The following SLC27A2 variants were observed in gnomAD, a reference collection of about 807,000 sequenced individuals.
SLC27A2 encodes solute carrier family 27 member 2.
SLC27A2 carries 54 observed loss-of-function variants against 60.0 expected under a neutral mutation model. The observed-to-expected ratio is 0.90, with a 90% confidence interval of 0.72 to 1.13. The LOEUF (loss-of-function observed/expected upper bound fraction) is 1.13, where lower values mean the gene tolerates loss of function less well. Among genes scored for constraint, SLC27A2 ranks in the 50% most tolerant of loss-of-function variants. SLC27A2 has a pLI of 0.00. For missense variants in SLC27A2, 739 were observed against 777.6 expected, an observed-to-expected ratio of 0.95 and a Z score of 0.59; for synonymous variants, 297 against 297.6, an observed-to-expected ratio of 1.00 and a Z score of 0.02.
rs779705317 is a variant in SLC27A2, at chr15:50,197,725, G to T, written c.688+16G>T. Reference sequence around the variant, plus strand: ...GGAACCACAGGTAAAAATAAAGGGGGGATTCTCCAAAAAAATTAATCTGAA... The same window carrying T: ...GGAACCACAGGTAAAAATAAAGGGGTGATTCTCCAAAAAAATTAATCTGAA... On this transcript the variant is annotated intron_variant, in intron 2 of 9. Coordinates refer to ENST00000267842, the MANE Select transcript of SLC27A2 (RefSeq NM_003645.4). The T allele has an allele frequency of 1.3e-6, 2 of 1,582,554 alleles. No individual in the cohort carries two copies. Among genetic ancestry groups the T allele is most frequent in the Non-Finnish European group, 1.7e-6 (2 of 1,153,406 alleles).
intron 1 of SLC27A2, among the ~76,000 whole-genome samples, chr15:50,192,861 G>C (rs2044985803): frequency 6.8e-6 from 1 of 147,644 alleles, no homozygotes; most frequent in African/African-American, 2.5e-5. Context: ...CCCTCATTAA[G>C]ATGATTACTT....
chr15:50,215,642 G>A (rs1374712784), intron 4 of SLC27A2, among the ~76,000 whole-genome samples: 1 of 152,104 alleles, frequency 6.6e-6, no homozygotes, highest in Non-Finnish European at 1.5e-5. Flanking sequence ...ACAGAATAGA[G>A]AACCCAGAAA....
chr15:50,193,175 T>C (rs1009314018), intron 1 of SLC27A2, among the ~76,000 whole-genome samples: 2 of 152,176 alleles, frequency 1.3e-5, no homozygotes, highest in Non-Finnish European at 2.9e-5. Context: ...GATCTTCATC[T>C]CCACCGTCTG....
At position 50,182,746 on chromosome 15, in the gene SLC27A2, G is replaced by C. The variant is rs771420898; in HGVS notation, c.319G>C (p.Val107Leu). The C allele has an allele frequency of 4.3e-6, 7 of 1,613,936 alleles. No homozygotes were observed. In the South Asian group the frequency reaches 6.6e-5, roughly 15 times the overall value. ...DHLGLRQGDC[V>L]ALLMGNEPAY... ...CCTCGGCCTGCGCCAGGGAGACTGC[G>C]TGGCGCTCCTTATGGGTAACGAGCC... is the stretch of plus-strand genomic sequence containing the variant. The change falls in exon 1 of 10, where the codon GTG becomes CTG. Residue 107 changes from valine (V) to leucine (L), a missense_variant. Val to Leu is a conservative substitution (Grantham distance 32). Transcript: ENST00000267842.
intron 1 of SLC27A2, among the ~76,000 whole-genome samples, chr15:50,184,282 C>G (rs1472226638): frequency 1.3e-5 from 2 of 152,000 alleles, no homozygotes; most frequent in Admixed American, 1.3e-4. Context: ...TGTGAGCCAC[C>G]ACACCCAGCC....
intron 3 of SLC27A2, 45 bp downstream of exon 3, chr15:50,202,690 T>G: frequency 6.3e-7 from 1 of 1,594,600 alleles, no homozygotes; most frequent in Non-Finnish European, 8.6e-7. Flanking sequence ...CACATTTACA[T>G]TTTCCCAGAA....
intron 1 of SLC27A2, among the ~76,000 whole-genome samples, chr15:50,188,751 G>A (rs532995914): frequency 2.0e-4 from 30 of 152,330 alleles, no homozygotes; most frequent in Admixed American, 5.9e-4. Context: ...CCTGAGTTCA[G>A]GAGTTGGAGA....
At chr15:50,223,590 G>T (rs1380829051) in intron 5 of SLC27A2, among the ~76,000 whole-genome samples, 4 of 152,184 alleles carry the variant, frequency 2.6e-5, no homozygotes, top group African/African-American at 9.7e-5. Context: ...TTTGGATTCA[G>T]TTGTTCTGAG....
At position 50,192,787 on chromosome 15, in the gene SLC27A2, T is replaced by TTAA. The variant is rs1555500296; in HGVS notation, c.479-4713_479-4712insTAA. Among the ~76,000 whole-genome samples the TTAA allele has an allele frequency of 1.5e-3, 203 of 136,512 alleles. 1 individual carries two copies. The highest frequency in any genetic ancestry group is 2.6e-3 in the Non-Finnish European group (168 of 64,890). 89.6% of individuals were successfully genotyped at this position (136,512 alleles called of 152,430 possible). A position where few individuals can be genotyped will look rare whatever the true frequency, so the allele number is the denominator to read the frequency against. ...AGGCTAGCTGTAAGTACATTTTTCT[T>TTAA]AAAAAAAAAAAAAAGAAGAAGAAGT... On this transcript the variant is annotated intron_variant, in intron 1 of 9. Transcript: ENST00000267842.
chr15:50,211,528 A>C (rs1206882580), intron 4 of SLC27A2, among the ~76,000 whole-genome samples: 2 of 152,318 alleles, frequency 1.3e-5, no homozygotes, highest in East Asian at 3.9e-4. Context: ...CCAAATGAGA[A>C]GGAATCAGAA....
At chr15:50,235,708 A>G (rs2140917318) in intron 9 of SLC27A2, among the ~76,000 whole-genome samples, 1 of 152,354 alleles carries the variant, frequency 6.6e-6, no homozygotes, top group African/African-American at 2.4e-5. Flanking sequence ...TCAGCACATC[A>G]TATTGTACAT....
Position 50,226,962 on chromosome 15 carries a change from T to G in SLC27A2, c.1259-18T>G. On this transcript the variant is annotated intron_variant, in intron 6 of 9. Transcript: ENST00000267842. The stretch of plus-strand genomic sequence containing the variant: ...TGACCTCTAGCACATAAAATAAGTT[T>G]ACTTTCTTCTGTCTTAGGTGAAGTT... 6.2e-7 allele frequency: 1 copy of G among 1,603,566 alleles called. No homozygotes were observed. The highest frequency in any genetic ancestry group is 8.5e-7 in the Non-Finnish European group (1 of 1,175,324).
intron 5 of SLC27A2, among the ~76,000 whole-genome samples, chr15:50,224,575 T>G (rs1037020061): frequency 2.0e-5 from 3 of 152,216 alleles, no homozygotes; most frequent in African/African-American, 7.2e-5. Flanking sequence ...TGGCCTAATC[T>G]CAAGGTGTTC....
intron 1 of SLC27A2, among the ~76,000 whole-genome samples, chr15:50,195,661 A>T (rs1221748649): frequency 2.0e-5 from 3 of 151,994 alleles, no homozygotes; most frequent in Admixed American, 6.6e-5. Flanking sequence ...ATATTTTTTT[A>T]AATTTTAAAT....
rs1195093680 is a variant in SLC27A2, at chr15:50,205,371, TC to T, written c.972+14del. On this transcript the variant is annotated intron_variant, in intron 4 of 9. Transcript: ENST00000267842. ...TTATGCAACTCACCACAGGTAACAC[TC>T]CCCCCGTTTTACTATCATTTTGAAA... The T allele has an allele frequency of 1.9e-6, 3 of 1,597,420 alleles. No homozygotes were observed. Among genetic ancestry groups the T allele is most frequent in the South Asian group, 1.1e-5 (1 of 88,704 alleles).
chr15:50,213,348 A>AT (rs768628354), intron 4 of SLC27A2, among the ~76,000 whole-genome samples: 9 of 152,218 alleles, frequency 5.9e-5, no homozygotes, highest in Non-Finnish European at 1.2e-4. Context: ...CAGCAACACA[A>AT]TAACAGTGGG....
chr15:50,205,342 G>A lies in SLC27A2; in HGVS notation c.951G>A (p.Arg317=). Residue 317 remains arginine, a synonymous_variant, in exon 4 of 10, where the codon CGG becomes CGA. Coordinates refer to ENST00000267842, the MANE Select transcript of SLC27A2 (RefSeq NM_003645.4). ...TTCAGTATATCGGTGAACTGCTTCG[G>A]TATTTATGCAACTCACCACAGGTAA... ...TVIQYIGELL[R]YLCNSPQKPN... 3.1e-6 allele frequency: 5 copies of A among 1,606,214 alleles called. No homozygotes were observed. Among genetic ancestry groups the A allele is most frequent in the Non-Finnish European group, 4.3e-6 (5 of 1,175,086 alleles).
chr15:50,212,595 C>T (rs1188852883), intron 4 of SLC27A2, among the ~76,000 whole-genome samples: 3 of 152,206 alleles, frequency 2.0e-5, no homozygotes, highest in Non-Finnish European at 2.9e-5. Context: ...GATTTCTCAG[C>T]AGAAACCCTA....
chr15:50,210,387 CTGTT>C (rs1189504648), intron 4 of SLC27A2, among the ~76,000 whole-genome samples: 2 of 152,198 alleles, frequency 1.3e-5, no homozygotes, highest in African/African-American at 4.8e-5. Context: ...AGCTGAAGGT[CTGTT>C]TGTAGAACTT....
Sources: allele counts gnomAD v4.1 joint callset (sites outside exome capture counted in the v4.1 genomes callset), GRCh38; gene constraint gnomAD v4.1.1; transcripts MANE v1.5; gene names NCBI Gene and HGNC (gene_info 2026-07-23, HGNC 2026-07-21).